Variants in GPR158 observed in about 807,000 individuals in gnomAD.
GPR158 encodes the protein G protein-coupled receptor 158.
GPR158 carries 30 observed loss-of-function variants against 78.2 expected under a neutral mutation model. That is an observed-to-expected ratio of 0.38 (90% CI 0.29 to 0.52). The LOEUF (loss-of-function observed/expected upper bound fraction) is 0.52. Ranked by LOEUF, GPR158 falls within the 20% of genes least tolerant of loss-of-function variation. GPR158 has a pLI of 0.83. For missense variants in GPR158, 1,463 were observed against 1,523.5 expected (o/e 0.96, Z 0.66); for synonymous variants, 581 against 591.1 (o/e 0.98, Z 0.25).
At chr10:25,204,714 C>CT (rs543942865) in intron 1 of GPR158, among the ~76,000 whole-genome samples, 39 of 149,290 alleles carry the variant, frequency 2.6e-4, no homozygotes, top group African/African-American at 8.7e-4. Context: ...CTAAAATTCT[C>CT]TTTTTTTGTT....
chr10:25,213,719 A>G (rs1853166563), intron 1 of GPR158, among the ~76,000 whole-genome samples: 1 of 152,280 alleles, frequency 6.6e-6, no homozygotes, highest in East Asian at 1.9e-4. Context: ...AAAGCCATCT[A>G]GGCCTGAAGT....
intron 5 of GPR158, among the ~76,000 whole-genome samples, chr10:25,483,168 G>A (rs995477262): frequency 2.0e-5 from 3 of 151,912 alleles, no homozygotes; most frequent in Non-Finnish European, 2.9e-5. Flanking sequence ...AAGTCAGGTA[G>A]TGCTACCCCT....
chr10:25,590,812 AT>A (rs965964178), intron 8 of GPR158, among the ~76,000 whole-genome samples: 2 of 152,222 alleles, frequency 1.3e-5, no homozygotes, highest in African/African-American at 4.8e-5. Flanking sequence ...AAACTGCTAG[AT>A]TTTTTTAGAA....
intron 4 of GPR158, among the ~76,000 whole-genome samples, chr10:25,422,089 AC>A (rs1362590401): frequency 6.6e-6 from 1 of 152,166 alleles, no homozygotes; most frequent in Non-Finnish European, 1.5e-5. Flanking sequence ...TGCCTGTCAC[AC>A]CTGACCATTC....
intron 5 of GPR158, among the ~76,000 whole-genome samples, chr10:25,530,272 A>G (rs1265392552): frequency 6.6e-6 from 1 of 152,246 alleles, no homozygotes; most frequent in Non-Finnish European, 1.5e-5. Flanking sequence ...ATGTGGGCAT[A>G]TTTTAATGCC....
At chr10:25,504,992 A>T in intron 5 of GPR158, among the ~76,000 whole-genome samples, 1 of 152,194 alleles carries the variant, frequency 6.6e-6, no homozygotes, top group East Asian at 1.9e-4. Flanking sequence ...TCTTAGGAAA[A>T]TTATGTAATC....
intron 5 of GPR158, among the ~76,000 whole-genome samples, chr10:25,488,876 G>T (rs572727381): frequency 7.2e-5 from 11 of 151,896 alleles, no homozygotes; most frequent in Admixed American, 4.6e-4. Flanking sequence ...AAAAACCTTT[G>T]AAAGTTATTT....
chr10:25,559,424 G>GAGC, intron 6 of GPR158, among the ~76,000 whole-genome samples: 1 of 152,162 alleles, frequency 6.6e-6, no homozygotes, highest in Admixed American at 6.6e-5. Flanking sequence ...ATGTAGCAAT[G>GAGC]TGTATCAAGA....
At chr10:25,285,257 TTC>T (rs1034064004) in intron 2 of GPR158, among the ~76,000 whole-genome samples, 1 of 150,694 alleles carries the variant, frequency 6.6e-6, no homozygotes, top group Non-Finnish European at 1.5e-5. Flanking sequence ...TTCTTTCTCC[TTC>T]TCTCTCTCTA....
intron 2 of GPR158, among the ~76,000 whole-genome samples, chr10:25,367,405 G>A (rs529940610): frequency 3.3e-5 from 5 of 151,416 alleles, no homozygotes; most frequent in South Asian, 2.1e-4. Context: ...AAAAAGTTTC[G>A]ATAACTTATA....
At chr10:25,307,755 A>G (rs958490472) in intron 2 of GPR158, among the ~76,000 whole-genome samples, 1 of 152,138 alleles carries the variant, frequency 6.6e-6, no homozygotes, top group Non-Finnish European at 1.5e-5. Flanking sequence ...ACTTGTCTAC[A>G]GCTGTAGTGC....
intron 5 of GPR158, among the ~76,000 whole-genome samples, chr10:25,519,652 T>C (rs1836230699): frequency 7.0e-6 from 1 of 142,928 alleles, no homozygotes; most frequent in Non-Finnish European, 1.5e-5. Context: ...TGGCTGGATA[T>C]GAAATTCTGG....
chr10:25,426,409 C>T (rs1834820526), intron 4 of GPR158, among the ~76,000 whole-genome samples: 1 of 152,158 alleles, frequency 6.6e-6, no homozygotes, highest in African/African-American at 2.4e-5. Flanking sequence ...TAGCTCATCT[C>T]AGCTTTCGAT....
intron 5 of GPR158, among the ~76,000 whole-genome samples, chr10:25,485,190 A>T (rs1053579344): frequency 3.9e-5 from 6 of 152,138 alleles, no homozygotes; most frequent in Non-Finnish European, 7.4e-5. Flanking sequence ...ATTGGAAAAA[A>T]TTGTAAAAGG....
intron 5 of GPR158, among the ~76,000 whole-genome samples, chr10:25,470,445 T>C (rs1252178417): frequency 6.6e-6 from 1 of 152,150 alleles, no homozygotes; most frequent in East Asian, 1.9e-4. Context: ...GCTGACACTT[T>C]GATCTTGCAT....
intron 4 of GPR158, among the ~76,000 whole-genome samples, chr10:25,460,822 A>G (rs1835349828): frequency 6.6e-6 from 1 of 152,156 alleles, no homozygotes. Context: ...CATTGAGAAA[A>G]TCTATCATAG....
intron 2 of GPR158, among the ~76,000 whole-genome samples, chr10:25,291,504 T>A (rs1390583788): frequency 6.6e-6 from 1 of 152,064 alleles, no homozygotes; most frequent in Non-Finnish European, 1.5e-5. Flanking sequence ...AATATAGCCA[T>A]GAGTTTCACG....
chr10:25,372,982 A>G (rs892068709), intron 2 of GPR158, among the ~76,000 whole-genome samples: 4 of 152,008 alleles, frequency 2.6e-5, no homozygotes, highest in Non-Finnish European at 4.4e-5. Flanking sequence ...ATTGTCTGTC[A>G]TAAAAACACA....
chr10:25,425,183 C>T (rs1462738243), intron 4 of GPR158, among the ~76,000 whole-genome samples: 1 of 152,094 alleles, frequency 6.6e-6, no homozygotes, highest in Non-Finnish European at 1.5e-5. Flanking sequence ...GTCTGTTTGT[C>T]TGTTATTGGT....
Sources: gnomAD v4.1 joint callset for allele counts (sites outside exome capture counted in the v4.1 genomes callset) on GRCh38, gnomAD v4.1.1 for gene constraint, MANE v1.5 for transcripts, NCBI Gene and HGNC (gene_info 2026-07-23, HGNC 2026-07-21) for gene names.